Variants in PUDP observed in about 807,000 individuals in gnomAD.
The protein encoded by PUDP is pseudouridine-5'-phosphatase.
In PUDP, 8 loss-of-function variants were observed where a neutral mutation model predicts 9.4. That is an observed-to-expected ratio of 0.85 (90% confidence interval 0.50 to 1.53). PUDP has a LOEUF of 1.53. PUDP is among the 40% of genes most tolerant of loss of function. The pLI is 0.00. For missense variants in PUDP, 188 were observed against 189.7 expected (o/e 0.99, Z 0.05); for synonymous variants, 99 against 80.7 (o/e 1.23, Z -1.22).
At chrX:6,908,607 G>A (rs1232612536) in intron 3 of PUDP, among the ~76,000 whole-genome samples, 1 of 111,604 alleles carries the variant, frequency 9.0e-6, no homozygotes, top group East Asian at 2.8e-4. Context: ...AAATAGTCAT[G>A]GAATATGACA....
intron 1 of PUDP, among the ~76,000 whole-genome samples, chrX:7,022,794 T>C (rs142255778): frequency 1.8e-5 from 2 of 111,858 alleles, no homozygotes; most frequent in African/African-American, 3.2e-5. Flanking sequence ...TAGACTGGCT[T>C]AACTCTCGTA....
chrX:6,861,955 G>A (rs1927008675), intron 3 of PUDP, among the ~76,000 whole-genome samples: 1 of 111,272 alleles, frequency 9.0e-6, no homozygotes, highest in African/African-American at 3.3e-5. Context: ...AGTCAGCCCT[G>A]AGCTGAGAAG....
chrX:6,719,571 G>A (rs1378675115), intron 1 of PUDP, among the ~76,000 whole-genome samples: 1 of 112,023 alleles, frequency 8.9e-6, no homozygotes. Flanking sequence ...TTCAAATGAG[G>A]TGAAGGTGTT....
At chrX:6,977,265 T>A (rs1928969884) in intron 2 of PUDP, among the ~76,000 whole-genome samples, 2 of 111,517 alleles carry the variant, frequency 1.8e-5, no homozygotes, top group South Asian at 7.5e-4. Context: ...GAAAATGTAG[T>A]ATCAAGGACA....
chrX:7,027,759 A>C (rs1312486712), intron 1 of PUDP, among the ~76,000 whole-genome samples: 2 of 98,423 alleles, frequency 2.0e-5, no homozygotes, highest in African/African-American at 7.2e-5. Flanking sequence ...ATATATATAG[A>C]ATATATTATT....
At chrX:6,958,581 A>C (rs7880642) in intron 3 of PUDP, among the ~76,000 whole-genome samples, 3,811 of 110,347 alleles carry the variant, frequency 0.035, 188 homozygotes, top group African/African-American at 0.12. Context: ...AAATACAAAA[A>C]ATTAGCCAGG....
chrX:6,882,545 A>AACCTATCAAAT (rs1282794824), intron 3 of PUDP, among the ~76,000 whole-genome samples: 3 of 111,920 alleles, frequency 2.7e-5, no homozygotes, highest in Non-Finnish European at 5.6e-5. Flanking sequence ...CATGTGATTC[A>AACCTATCAAAT]ACCTATCAAA....
rs187728954 is a variant in PUDP, at chrX:6,924,569, A to G, written c.*247+52564T>C. 5.0e-4 allele frequency among the ~76,000 whole-genome samples: 56 copies of G among 112,165 alleles called. 1 individual carries two copies. The highest frequency in any genetic ancestry group is 9.2e-4 in the Non-Finnish European group (49 of 53,260). On this transcript the variant is annotated intron_variant and NMD_transcript_variant, in intron 3 of 3. Transcript: ENST00000655425. ...TTCATTTATGTTTCATAGACACCTT[A>G]TATGCAGAGCCTGAAGTTAATTTCA...
intron 3 of PUDP, among the ~76,000 whole-genome samples, chrX:7,060,483 G>A (rs1309363869): frequency 8.9e-6 from 1 of 111,923 alleles, no homozygotes; most frequent in African/African-American, 3.3e-5. Context: ...ATTAAATGAG[G>A]AACTGGGGAC....
intron 2 of PUDP, among the ~76,000 whole-genome samples, chrX:7,089,591 C>T (rs1481677233): frequency 9.0e-6 from 1 of 110,744 alleles, no homozygotes; most frequent in East Asian, 2.8e-4. Context: ...TTTTTTGAAA[C>T]ACAAATTCAA....
At chrX:6,973,166 A>G (rs1490743972) in intron 3 of PUDP, among the ~76,000 whole-genome samples, 1 of 111,222 alleles carries the variant, frequency 9.0e-6, no homozygotes, top group African/African-American at 3.3e-5. Context: ...AAGCTCCTGG[A>G]TTCATTGATT....
At chrX:6,776,430 C>G (rs748279264) in intron 3 of PUDP, among the ~76,000 whole-genome samples, 1 of 111,028 alleles carries the variant, frequency 9.0e-6, no homozygotes, top group East Asian at 2.8e-4. Context: ...ACTTGGGAGG[C>G]TGAGACAGGA....
Position 6,782,657 on chromosome X carries a change from C to T in PUDP, c.*248-76191G>A, listed in dbSNP as rs1185103333. 3.6e-5 allele frequency among the ~76,000 whole-genome samples: 4 copies of T among 112,276 alleles called. 1 individual carries two copies. In the South Asian group the frequency reaches 1.1e-3, roughly 31 times the overall value. On this transcript the variant is annotated intron_variant and NMD_transcript_variant, in intron 3 of 3. Coordinates refer to the PUDP transcript ENST00000655425. Reference sequence around the variant, plus strand: ...ACATGGAGCAATGGCCTCCACCATACGATTGGTCTCCCCTGATGTCCAATC... The same window carrying T: ...ACATGGAGCAATGGCCTCCACCATATGATTGGTCTCCCCTGATGTCCAATC...
chrX:7,125,959 T>C (rs755952269), intron 1 of PUDP, among the ~76,000 whole-genome samples: 1 of 111,011 alleles, frequency 9.0e-6, no homozygotes, highest in East Asian at 2.8e-4. Flanking sequence ...AGCCAAACCA[T>C]ATCACTATCC....
intron 2 of PUDP, among the ~76,000 whole-genome samples, chrX:7,088,430 C>T (rs772119709): frequency 9.0e-6 from 1 of 111,551 alleles, no homozygotes; most frequent in Admixed American, 9.5e-5. Flanking sequence ...GCCTCTCCAC[C>T]TGATCCTACT....
intron 1 of PUDP, among the ~76,000 whole-genome samples, chrX:6,982,320 C>G (rs1213404349): frequency 1.8e-5 from 2 of 111,748 alleles, no homozygotes; most frequent in African/African-American, 6.5e-5. Flanking sequence ...GTCAGCCATT[C>G]CAGAATTATT....
At chrX:6,730,693 G>T (rs1924798857) in intron 3 of PUDP, among the ~76,000 whole-genome samples, 1 of 112,271 alleles carries the variant, frequency 8.9e-6, no homozygotes, top group East Asian at 2.8e-4. Flanking sequence ...TGTTGAATAA[G>T]TAAGAGTTAT....
intron 1 of PUDP, among the ~76,000 whole-genome samples, chrX:6,711,721 A>G (rs1924534367): frequency 1.8e-5 from 2 of 111,452 alleles, no homozygotes; most frequent in African/African-American, 6.5e-5. Context: ...TTAGCTAAGG[A>G]AGAGATTTAG....
At chrX:6,752,084 C>T (rs1925099422) in intron 3 of PUDP, among the ~76,000 whole-genome samples, 1 of 111,372 alleles carries the variant, frequency 9.0e-6, no homozygotes, top group South Asian at 3.8e-4. Context: ...AGGGACCTCC[C>T]ACCTGCTACA....
Sources: allele counts gnomAD v4.1 joint callset (sites outside exome capture counted in the v4.1 genomes callset), GRCh38; gene constraint gnomAD v4.1.1; transcripts MANE v1.5; gene names NCBI Gene and HGNC (gene_info 2026-07-23, HGNC 2026-07-21).